MALRD1: variants seen among roughly 807,000 people sequenced by gnomAD.
MALRD1 encodes MAM and LDL receptor class A domain containing 1.
MALRD1 carries 247 observed loss-of-function variants against 242.1 expected under a neutral mutation model. The observed-to-expected ratio is 1.02, with a 90% CI of 0.92 to 1.13. The LOEUF is 1.13. MALRD1 is among the 50% of genes most tolerant of loss of function. The pLI, the probability that MALRD1 is intolerant of heterozygous loss-of-function variation, is 0.00. For synonymous variants in MALRD1, 995 were observed against 866.6 expected (o/e 1.15, Z -2.60); for missense variants, 2,989 against 2,533.1 (o/e 1.18, Z -3.86).
chr10:19,216,954 AAAAAT>A (rs751857188), intron 18 of MALRD1, among the ~76,000 whole-genome samples: 28 of 123,624 alleles, frequency 2.3e-4, no homozygotes, highest in African/African-American at 5.0e-4. Flanking sequence ...TCAAAAAAAA[AAAAAT>A]AAAAATAAAA....
intron 36 of MALRD1, among the ~76,000 whole-genome samples, chr10:19,667,830 T>C (rs1406152564): frequency 6.6e-6 from 1 of 152,180 alleles, no homozygotes; most frequent in Admixed American, 6.5e-5. Flanking sequence ...AATGATGGCC[T>C]GATACACCAT....
At chr10:19,187,449 AAAAG>A (rs748387380) in intron 14 of MALRD1, among the ~76,000 whole-genome samples, 1 of 152,194 alleles carries the variant, frequency 6.6e-6, no homozygotes, top group East Asian at 1.9e-4. Context: ...ATCTCAAAAG[AAAAG>A]AAAGAGTGTT....
chr10:19,200,298 A>G (rs142423987), intron 14 of MALRD1, among the ~76,000 whole-genome samples: 64 of 152,322 alleles, frequency 4.2e-4, no homozygotes, highest in African/African-American at 1.4e-3. Context: ...ACTTTTTAAA[A>G]TTACTACTCA....
chr10:19,055,729 T>C lies in MALRD1; in HGVS notation c.199+6592T>C, dbSNP rs144105234. On this transcript the variant is annotated intron_variant, in intron 1 of 39. Coordinates refer to ENST00000454679, the MANE Select transcript of MALRD1 (RefSeq NM_001142308.3). ...AATTGACCATCAATGTGTGGGTTGA[T>C]AGACACTTAATACAGGAACAGAAAA... 1.2e-3 allele frequency among the ~76,000 whole-genome samples: 187 copies of C among 152,254 alleles called. 1 individual carries two copies. The highest frequency in any genetic ancestry group is 4.3e-3 in the African/African-American group (178 of 41,540).
chr10:19,334,173 C>T (rs1403917462), intron 24 of MALRD1, among the ~76,000 whole-genome samples: 5 of 115,612 alleles, frequency 4.3e-5, no homozygotes, highest in Non-Finnish European at 8.6e-5. Flanking sequence ...TAATTAGGTC[C>T]CACTTCTCAA....
intron 36 of MALRD1, among the ~76,000 whole-genome samples, chr10:19,689,074 G>T (rs1378205824): frequency 2.0e-5 from 3 of 152,146 alleles, no homozygotes; most frequent in African/African-American, 7.2e-5. Context: ...CATACAAGGA[G>T]ATAATTTCTA....
chr10:19,128,248 A>G lies in MALRD1; in HGVS notation c.971A>G (p.His324Arg). The G allele has an allele frequency of 5.7e-6, 7 of 1,233,506 alleles. No individual in the cohort carries two copies. The highest frequency in any genetic ancestry group is 7.1e-6 in the Non-Finnish European group (7 of 987,860). The allele number at this position is 1,233,506 out of a possible 1,614,324, so 76.4% of individuals were successfully genotyped here. Residue 324 changes from histidine (H) to arginine (R), a missense_variant, in exon 8 of 40, where the codon CAT (histidine) becomes CGT (arginine). Coordinates refer to ENST00000454679, the MANE Select transcript of MALRD1 (RefSeq NM_001142308.3). ...EGYYVWVGAK[H>R]GFTLNHLDSR... is the part of the protein sequence containing the mutation. ...TATTATGTATGGGTAGGCGCTAAGC[A>G]TGGTTTCACTCTTAACCATTTAGAC...
At chr10:19,217,532 CTTTT>C (rs34267262) in intron 18 of MALRD1, among the ~76,000 whole-genome samples, 5 of 116,380 alleles carry the variant, frequency 4.3e-5, no homozygotes, top group Non-Finnish European at 5.0e-5. Flanking sequence ...ATCATGCAGT[CTTTT>C]TTTTTTTTTT....
intron 2 of MALRD1, among the ~76,000 whole-genome samples, chr10:19,081,099 A>G (rs188921633): frequency 6.6e-6 from 1 of 152,274 alleles, no homozygotes; most frequent in African/African-American, 2.4e-5. Flanking sequence ...AGCGATTATT[A>G]AAAAGTCAGG....
At chr10:19,492,705 C>G (rs953103652) in intron 30 of MALRD1, among the ~76,000 whole-genome samples, 3 of 152,134 alleles carry the variant, frequency 2.0e-5, no homozygotes, top group African/African-American at 4.8e-5. Flanking sequence ...TCAGATGTTG[C>G]ATAATACCAT....
chr10:19,079,067 G>T lies in MALRD1; in HGVS notation c.341-8773G>T, dbSNP rs79801302. On this transcript the variant is annotated intron_variant, in intron 2 of 39. Coordinates refer to ENST00000454679, the MANE Select transcript of MALRD1 (RefSeq NM_001142308.3). ...TTGGGTTTAGTTTTCTCTTCCTTTA[G>T]CTTCTTATTATTAATGTTGAGATCT... Among the ~76,000 whole-genome samples the T allele has an allele frequency of 6.2e-3, 937 of 150,228 alleles. 6 individuals carry two copies. Among genetic ancestry groups the T allele is most frequent in the Non-Finnish European group, 8.1e-3 (545 of 67,356 alleles).
intron 1 of MALRD1, among the ~76,000 whole-genome samples, chr10:19,063,197 A>C (rs972002995): frequency 6.6e-6 from 1 of 152,150 alleles, no homozygotes; most frequent in African/African-American, 2.4e-5. Context: ...GTAATGAAAC[A>C]AGGGTAGGAC....
intron 36 of MALRD1, among the ~76,000 whole-genome samples, chr10:19,653,482 A>G (rs759932505): frequency 6.6e-6 from 1 of 152,194 alleles, no homozygotes; most frequent in Admixed American, 6.5e-5. Flanking sequence ...TTGTTTCCTC[A>G]GATCTAAATT....
chr10:19,227,331 T>C (rs992744821), intron 18 of MALRD1, among the ~76,000 whole-genome samples: 3 of 152,026 alleles, frequency 2.0e-5, no homozygotes, highest in African/African-American at 7.2e-5. Flanking sequence ...TTTAGAAATA[T>C]ATCCAGCCTT....
intron 31 of MALRD1, among the ~76,000 whole-genome samples, chr10:19,506,565 T>C (rs1002630748): frequency 2.0e-5 from 3 of 152,166 alleles, no homozygotes; most frequent in Non-Finnish European, 4.4e-5. Context: ...TTTGTCATGA[T>C]ACTAAAAATA....
intron 28 of MALRD1, among the ~76,000 whole-genome samples, chr10:19,445,424 G>A (rs79077321): frequency 6.6e-6 from 1 of 152,136 alleles, no homozygotes; most frequent in African/African-American, 2.4e-5. Flanking sequence ...TTCTGCTCTG[G>A]TTTCTCCCCA....
chr10:19,173,005 A>C (rs532536428), intron 13 of MALRD1, among the ~76,000 whole-genome samples: 85 of 152,222 alleles, frequency 5.6e-4, no homozygotes, highest in African/African-American at 1.6e-3. Context: ...TCAGAATCTT[A>C]AAAATTATTA....
intron 14 of MALRD1, among the ~76,000 whole-genome samples, chr10:19,182,026 TTTTTA>T (rs1835528599): frequency 6.6e-6 from 1 of 152,036 alleles, no homozygotes. Flanking sequence ...GCAGCAATTT[TTTTTA>T]TTTTATTATT....
At chr10:19,444,712 C>G (rs914100499) in intron 28 of MALRD1, among the ~76,000 whole-genome samples, 1 of 152,174 alleles carries the variant, frequency 6.6e-6, no homozygotes, top group Non-Finnish European at 1.5e-5. Context: ...TCGTGGGTAA[C>G]CCAACCTTTC....
Sources: allele counts gnomAD v4.1 joint callset (sites outside exome capture counted in the v4.1 genomes callset), GRCh38; gene constraint gnomAD v4.1.1; transcripts MANE v1.5; gene names NCBI Gene and HGNC (gene_info 2026-07-23, HGNC 2026-07-21).